Variants in MDGA2 observed in about 807,000 individuals in gnomAD.
MDGA2 encodes the protein MAM domain containing glycosylphosphatidylinositol anchor 2, also known as MAM domain-containing glycosylphosphatidylinositol anchor protein 2.
Under a neutral mutation model 117.8 loss-of-function variants are expected in MDGA2, and 40 were observed. The ratio of observed to expected loss-of-function variants is 0.34; its 90% CI spans 0.26 to 0.44. MDGA2 has a LOEUF of 0.44. Among genes scored for constraint, MDGA2 ranks in the 20% least tolerant of loss-of-function variants. MDGA2 has a pLI of 1.00. For missense variants in MDGA2, 1,123 were observed against 1,250.6 expected (o/e 0.90, Z 1.54); for synonymous variants, 452 against 439.0 (o/e 1.03, Z -0.37).
At chr14:47,428,809 CAT>C (rs544360513) in intron 1 of MDGA2, among the ~76,000 whole-genome samples, 7 of 151,710 alleles carry the variant, frequency 4.6e-5, no homozygotes, top group African/African-American at 1.7e-4. Context: ...AAAATACATA[CAT>C]ATATATATAA....
At position 46,885,232 on chromosome 14, in the gene MDGA2, TTAAATA is replaced by T. The variant is rs555312081; in HGVS notation, c.2239-3017_2239-3012del. ...ATTTGTCTACCAAATTTAAAATTAA[TTAAATA>T]TAAACTTTCAAGTTAAAAAATTTGT... On this transcript the variant is annotated intron_variant, in intron 10 of 16. Transcript: ENST00000399232. 3.9e-3 allele frequency among the ~76,000 whole-genome samples: 590 copies of T among 152,244 alleles called. 8 individuals carry two copies. Among genetic ancestry groups the T allele is most frequent in the African/African-American group, 0.012 (512 of 41,566 alleles).
At chr14:47,572,584 A>G (rs536633519) in intron 1 of MDGA2, among the ~76,000 whole-genome samples, 1 of 152,162 alleles carries the variant, frequency 6.6e-6, no homozygotes, top group Non-Finnish European at 1.5e-5. Flanking sequence ...TGGCTTACAA[A>G]GGACCAAATA....
At chr14:47,052,063 C>G (rs1316680533) in intron 7 of MDGA2, among the ~76,000 whole-genome samples, 1 of 151,848 alleles carries the variant, frequency 6.6e-6, no homozygotes, top group Non-Finnish European at 1.5e-5. Context: ...AGATATCTGT[C>G]ACAAGTGTTT....
At chr14:47,613,826 T>G (rs1174968645) in intron 1 of MDGA2, among the ~76,000 whole-genome samples, 3 of 152,140 alleles carry the variant, frequency 2.0e-5, no homozygotes, top group Admixed American at 1.3e-4. Context: ...TTAAAAATTT[T>G]ACCTATACTT....
chr14:47,442,829 ACTC>A (rs1191432449), intron 1 of MDGA2, among the ~76,000 whole-genome samples: 1 of 152,024 alleles, frequency 6.6e-6, no homozygotes, highest in Non-Finnish European at 1.5e-5. Context: ...TCCAGAAATA[ACTC>A]CTAACTTCTA....
At chr14:47,231,828 G>C (rs1886703269) in intron 2 of MDGA2, among the ~76,000 whole-genome samples, 1 of 151,872 alleles carries the variant, frequency 6.6e-6, no homozygotes, top group Non-Finnish European at 1.5e-5. Flanking sequence ...TGAAAACAGA[G>C]TGTTCTTCTC....
intron 1 of MDGA2, among the ~76,000 whole-genome samples, chr14:47,456,742 G>A (rs955593535): frequency 6.6e-6 from 1 of 152,148 alleles, no homozygotes; most frequent in Non-Finnish European, 1.5e-5. Flanking sequence ...ACTCTTTGAA[G>A]AAAGAAATAC....
intron 1 of MDGA2, among the ~76,000 whole-genome samples, chr14:47,391,994 A>G (rs1891905780): frequency 6.6e-6 from 1 of 152,144 alleles, no homozygotes; most frequent in South Asian, 2.1e-4. Flanking sequence ...TGTGAGGCAA[A>G]GCTGTGCACA....
At chr14:46,988,994 T>G (rs1886974666) in intron 8 of MDGA2, among the ~76,000 whole-genome samples, 1 of 152,066 alleles carries the variant, frequency 6.6e-6, no homozygotes, top group Admixed American at 6.6e-5. Flanking sequence ...ATCCATGGCA[T>G]AAGCTCAAAT....
chr14:46,871,476 A>C (rs1881994895), intron 14 of MDGA2: 1 of 152,026 alleles, frequency 6.6e-6, no homozygotes, highest in South Asian at 2.1e-4. Context: ...TTATCTATGA[A>C]ACAGGATAAT....
chr14:47,329,159 T>C (rs1375264849), intron 1 of MDGA2, among the ~76,000 whole-genome samples: 2 of 152,102 alleles, frequency 1.3e-5, no homozygotes, highest in African/African-American at 4.8e-5. Context: ...CTTGAAATCC[T>C]GGACTCAAGT....
At chr14:47,383,144 A>G (rs1891674394) in intron 1 of MDGA2, among the ~76,000 whole-genome samples, 1 of 152,190 alleles carries the variant, frequency 6.6e-6, no homozygotes, top group Admixed American at 6.5e-5. Flanking sequence ...CATAGGTGGG[A>G]ATTGAACAAT....
intron 3 of MDGA2, among the ~76,000 whole-genome samples, chr14:47,194,297 G>T (rs1226186670): frequency 6.6e-6 from 1 of 152,064 alleles, no homozygotes; most frequent in East Asian, 1.9e-4. Flanking sequence ...TTCTTCTGCT[G>T]ACTCACCAAT....
chr14:46,844,710 A>G (rs982366127), intron 16 of MDGA2, among the ~76,000 whole-genome samples: 6 of 152,114 alleles, frequency 3.9e-5, no homozygotes, highest in African/African-American at 1.4e-4. Flanking sequence ...TATAATCTGC[A>G]TAATCCCCAT....
intron 1 of MDGA2, among the ~76,000 whole-genome samples, chr14:47,494,713 G>A (rs938288436): frequency 1.3e-5 from 2 of 151,760 alleles, no homozygotes. Context: ...TGGTGAGAGA[G>A]AGGGGTCCAT....
intron 3 of MDGA2, among the ~76,000 whole-genome samples, chr14:47,194,588 C>T (rs1472879709): frequency 6.6e-6 from 1 of 152,014 alleles, no homozygotes; most frequent in Non-Finnish European, 1.5e-5. Flanking sequence ...TCAAGATAAG[C>T]ACTTGGATCT....
At chr14:46,985,673 T>C (rs1235728286) in intron 8 of MDGA2, among the ~76,000 whole-genome samples, 2 of 152,086 alleles carry the variant, frequency 1.3e-5, no homozygotes, top group East Asian at 3.8e-4. Context: ...TTTGCTTGAA[T>C]GGTTTACTGT....
chr14:47,234,836 A>T (rs1351849792), intron 2 of MDGA2, among the ~76,000 whole-genome samples: 2 of 152,158 alleles, frequency 1.3e-5, no homozygotes, highest in African/African-American at 4.8e-5. Flanking sequence ...ATGTATTTTT[A>T]TCCTTCCCTA....
At chr14:47,423,560 G>GTA (rs1315527407) in intron 1 of MDGA2, among the ~76,000 whole-genome samples, 1 of 151,772 alleles carries the variant, frequency 6.6e-6, no homozygotes, top group Non-Finnish European at 1.5e-5. Flanking sequence ...CCACGCCTGT[G>GTA]TGTGTGTGTG....
Sources: gnomAD v4.1 joint callset for allele counts (sites outside exome capture counted in the v4.1 genomes callset) on GRCh38, gnomAD v4.1.1 for gene constraint, MANE v1.5 for transcripts, NCBI Gene and HGNC (gene_info 2026-07-23, HGNC 2026-07-21) for gene names.